Variants in DPYS observed in about 807,000 individuals in gnomAD.
The protein encoded by DPYS is dihydropyrimidinase.
A neutral mutation model predicts 50.3 loss-of-function variants in DPYS; 39 were observed. The observed-to-expected ratio is 0.78, with a 90% confidence interval of 0.60 to 1.01. DPYS has a LOEUF of 1.01. DPYS is among the 50% of genes least tolerant of loss of function. The pLI is 0.00. For synonymous variants in DPYS, 245 were observed against 250.7 expected, an observed-to-expected ratio of 0.98 and a Z score of 0.22; for missense variants, 659 against 680.9, an observed-to-expected ratio of 0.97 and a Z score of 0.36.
At chr8:104,411,100 T>G (rs1812158693) in intron 7 of DPYS, among the ~76,000 whole-genome samples, 1 of 152,164 alleles carries the variant, frequency 6.6e-6, no homozygotes, top group Non-Finnish European at 1.5e-5. Context: ...ATTTTTCTCT[T>G]CCAAAACTTA....
At chr8:104,410,635 G>A (rs370147809) in intron 7 of DPYS, among the ~76,000 whole-genome samples, 1 of 151,962 alleles carries the variant, frequency 6.6e-6, no homozygotes, top group African/African-American at 2.4e-5. Flanking sequence ...ATTTTCTACT[G>A]GTGCCAGGCA....
intron 7 of DPYS, among the ~76,000 whole-genome samples, chr8:104,395,558 T>C (rs1293359712): frequency 6.6e-6 from 1 of 152,200 alleles, no homozygotes; most frequent in African/African-American, 2.4e-5. Flanking sequence ...AGTAGAATCA[T>C]AGAGTATGAC....
chr8:104,381,408 A>G, intron 8 of DPYS, 94 bp from the exon 9 acceptor site: 1 of 1,161,722 alleles, frequency 8.6e-7, no homozygotes, highest in Non-Finnish European at 1.3e-6. Context: ...AGCTTTAAAA[A>G]AAGAATCTTA....
intron 7 of DPYS, among the ~76,000 whole-genome samples, chr8:104,394,172 C>T (rs1033942631): frequency 4.6e-5 from 7 of 152,148 alleles, no homozygotes; most frequent in Admixed American, 1.3e-4. Flanking sequence ...TTTTAAAAAT[C>T]GTCAAGGCTG....
At chr8:104,398,234 C>T (rs543487770) in intron 7 of DPYS, among the ~76,000 whole-genome samples, 2 of 152,344 alleles carry the variant, frequency 1.3e-5, no homozygotes, top group East Asian at 3.9e-4. Context: ...CAGGAAGCAG[C>T]TACCACAGGA....
rs1810970485 is a variant in DPYS, at chr8:104,379,770, G to A, written c.*88C>T. On this transcript the variant is annotated 3_prime_UTR_variant, in exon 10 of 10. Coordinates refer to ENST00000351513, the MANE Select transcript of DPYS (RefSeq NM_001385.3). ...TAAAGGATCCTAGGGAGTTGAATAA[G>A]GCCTGCTTCTCCATGGGTTGACAAT... 1 of 456,432 alleles carries A rather than the reference G, an allele frequency of 2.2e-6. No homozygotes were observed. Among genetic ancestry groups the A allele is most frequent in the African/African-American group, 2.0e-5 (1 of 50,038 alleles). 28.3% of individuals were successfully genotyped at this position (456,432 alleles called of 1,614,324 possible). A position where few individuals can be genotyped will look rare whatever the true frequency, so the allele number is the denominator to read the frequency against.
intron 7 of DPYS, among the ~76,000 whole-genome samples, chr8:104,408,651 G>T (rs1388519578): frequency 2.0e-5 from 3 of 152,002 alleles, no homozygotes; most frequent in Non-Finnish European, 4.4e-5. Context: ...AAATTTTAAA[G>T]CTTTAAATTA....
At chr8:104,433,535 G>C (rs1177932927) in intron 4 of DPYS, among the ~76,000 whole-genome samples, 1 of 152,092 alleles carries the variant, frequency 6.6e-6, no homozygotes, top group East Asian at 1.9e-4. Flanking sequence ...TTGGGAGGCT[G>C]AGGCATGAGA....
At chr8:104,411,597 A>C (rs1028238385) in intron 7 of DPYS, among the ~76,000 whole-genome samples, 1 of 152,124 alleles carries the variant, frequency 6.6e-6, no homozygotes, top group East Asian at 1.9e-4. Context: ...GCAAATATAC[A>C]AAATGATAGA....
chr8:104,448,492 A>G (rs1388648400), intron 2 of DPYS, among the ~76,000 whole-genome samples: 2 of 152,138 alleles, frequency 1.3e-5, no homozygotes, highest in East Asian at 1.9e-4. Flanking sequence ...TCAAGTCTCA[A>G]TAAGGATCAA....
At chr8:104,405,086 A>G (rs1199534835) in intron 7 of DPYS, among the ~76,000 whole-genome samples, 2 of 152,202 alleles carry the variant, frequency 1.3e-5, no homozygotes, top group Non-Finnish European at 2.9e-5. Flanking sequence ...GGGATGGGGA[A>G]AAAAAAGTGA....
At chr8:104,399,326 AC>A (rs1811710036) in intron 7 of DPYS, among the ~76,000 whole-genome samples, 7 of 146,334 alleles carry the variant, frequency 4.8e-5, no homozygotes, top group African/African-American at 1.5e-4. Flanking sequence ...ACAAAAAAAA[AC>A]CAAGAAAACC....
chr8:104,445,872 T>C (rs538509956), intron 3 of DPYS, among the ~76,000 whole-genome samples: 5 of 151,948 alleles, frequency 3.3e-5, no homozygotes, highest in African/African-American at 7.3e-5. Flanking sequence ...GGGGAAACCC[T>C]GTCTCTACTA....
chr8:104,404,929 G>A (rs1249079161), intron 7 of DPYS, among the ~76,000 whole-genome samples: 1 of 151,872 alleles, frequency 6.6e-6, no homozygotes, highest in Non-Finnish European at 1.5e-5. Flanking sequence ...ATCTCTAGTG[G>A]CAAAAACAAA....
At chr8:104,407,537 CA>C (rs1052161275) in intron 7 of DPYS, among the ~76,000 whole-genome samples, 2 of 152,040 alleles carry the variant, frequency 1.3e-5, no homozygotes, top group African/African-American at 4.8e-5. Context: ...AACCTTTACC[CA>C]AAAATAGGCA....
chr8:104,416,182 C>T (rs1258964842), intron 7 of DPYS, among the ~76,000 whole-genome samples: 1 of 152,180 alleles, frequency 6.6e-6, no homozygotes, highest in Non-Finnish European at 1.5e-5. Context: ...TATGGTACTG[C>T]TCCCCCCCAA....
At chr8:104,465,596 G>C (rs1814344955) in intron 1 of DPYS, among the ~76,000 whole-genome samples, 3 of 152,254 alleles carry the variant, frequency 2.0e-5, no homozygotes, top group Middle Eastern at 6.8e-3. Flanking sequence ...GAGCTTTGGG[G>C]AAATGTTGCA....
At chr8:104,420,883 T>C (rs1812517839) in intron 7 of DPYS, 1 of 152,194 alleles carries the variant, frequency 6.6e-6, no homozygotes, top group East Asian at 1.9e-4. Context: ...CTAGTCAAAC[T>C]AGAGAAATAG....
At chr8:104,426,969 G>A (rs1271285800) in intron 6 of DPYS, among the ~76,000 whole-genome samples, 1 of 152,170 alleles carries the variant, frequency 6.6e-6, no homozygotes, top group East Asian at 1.9e-4. Flanking sequence ...GGGAGGCGAA[G>A]GCGGGTGGAT....
Sources: gnomAD v4.1 joint callset for allele counts (sites outside exome capture counted in the v4.1 genomes callset) on GRCh38, gnomAD v4.1.1 for gene constraint, MANE v1.5 for transcripts, NCBI Gene and HGNC (gene_info 2026-07-23, HGNC 2026-07-21) for gene names.